Variants in GFRA1 observed in about 807,000 individuals in gnomAD.
GFRA1 encodes the protein GDNF family receptor alpha-1.
GFRA1 carries 16 observed loss-of-function variants against 51.6 expected under a neutral mutation model. The ratio of observed to expected loss-of-function variants is 0.31; its 90% CI spans 0.21 to 0.47. The LOEUF (loss-of-function observed/expected upper bound fraction) is 0.47, where lower values mean the gene tolerates loss of function less well. GFRA1 is among the 20% of genes least tolerant of loss of function. GFRA1 has a pLI of 1.00. For missense variants in GFRA1, 530 were observed against 594.3 expected, an observed-to-expected ratio of 0.89 and a Z score of 1.13; for synonymous variants, 270 against 241.3, an observed-to-expected ratio of 1.12 and a Z score of -1.10.
chr10:116,238,051 C>T (rs191366872), intron 4 of GFRA1, among the ~76,000 whole-genome samples: 3 of 152,274 alleles, frequency 2.0e-5, no homozygotes, highest in East Asian at 1.9e-4. Flanking sequence ...CTTCCAAATG[C>T]GCCGTAAAGC....
At chr10:116,120,690 G>A (rs77290303) in intron 6 of GFRA1, among the ~76,000 whole-genome samples, 3,405 of 152,322 alleles carry the variant, frequency 0.022, 114 homozygotes, top group African/African-American at 0.078. Context: ...CAAGGTGGAG[G>A]GCTGGCCCTG....
Position 116,089,738 on chromosome 10 carries a change from C to T in GFRA1, c.1197+3G>A. On this transcript the variant is annotated splice_donor_region_variant and intron_variant, in intron 9 of 10. Coordinates refer to ENST00000355422, the MANE Select transcript of GFRA1 (RefSeq NM_005264.8). ...CAGCAAGGAATCTGGACGCAGTTCT[C>T]ACCTGTAAATTTGCACACGGTGGCA... is the stretch of plus-strand genomic sequence containing the variant. 6.2e-7 allele frequency: 1 copy of T among 1,613,394 alleles called. No homozygotes were observed. The highest frequency in any genetic ancestry group is 8.5e-7 in the Non-Finnish European group (1 of 1,179,374).
intron 5 of GFRA1, among the ~76,000 whole-genome samples, chr10:116,160,589 C>T (rs1056081402): frequency 9.2e-5 from 14 of 152,212 alleles, no homozygotes; most frequent in African/African-American, 3.4e-4. Context: ...CCATAATCCA[C>T]AAGCAATAAA....
intron 4 of GFRA1, among the ~76,000 whole-genome samples, chr10:116,266,910 T>C (rs1171129033): frequency 6.6e-6 from 1 of 152,152 alleles, no homozygotes; most frequent in African/African-American, 2.4e-5. Flanking sequence ...ACTGTAACGA[T>C]TAGAGATTAT....
Position 116,089,823 on chromosome 10 carries a change from C to T in GFRA1, c.1115G>A (p.Arg372Gln), listed in dbSNP as rs779822225. Reference sequence around the variant, plus strand: ...TGGCCCCAGGGGCTTGTTCTTAACCCGGAGGGCAGTGGTGGTAGTGGCAGT... The same window carrying T: ...TGGCCCCAGGGGCTTGTTCTTAACCTGGAGGGCAGTGGTGGTAGTGGCAGT... ...TTTATTTTAL[R>Q]VKNKPLGPAG... The change falls in exon 9 of 11, where the codon CGG becomes CAG. Residue 372 changes from arginine to glutamine, a missense_variant. By Grantham distance (43) the Arg-to-Gln change is conservative. Coordinates refer to ENST00000355422, the MANE Select transcript of GFRA1 (RefSeq NM_005264.8). 9.3e-6 allele frequency: 15 copies of T among 1,614,072 alleles called. No individual in the cohort carries two copies. In the East Asian group the frequency reaches 1.8e-4, roughly 19 times the overall value.
intron 9 of GFRA1, among the ~76,000 whole-genome samples, chr10:116,068,773 T>A (rs1270948129): frequency 6.6e-6 from 1 of 152,246 alleles, no homozygotes; most frequent in Non-Finnish European, 1.5e-5. Context: ...CATCAAGCTA[T>A]CACTGTCTTG....
intron 9 of GFRA1, among the ~76,000 whole-genome samples, chr10:116,073,764 TTTA>T (rs1372717065): frequency 6.6e-6 from 1 of 152,128 alleles, no homozygotes; most frequent in African/African-American, 2.4e-5. Flanking sequence ...TCAGATAATA[TTTA>T]TTAAGCCTCT....
At chr10:116,174,368 T>C (rs942693156) in intron 5 of GFRA1, among the ~76,000 whole-genome samples, 1 of 152,222 alleles carries the variant, frequency 6.6e-6, no homozygotes, top group African/African-American at 2.4e-5. Flanking sequence ...CAACTAGTCT[T>C]TTCCCTGCAT....
intron 4 of GFRA1, among the ~76,000 whole-genome samples, chr10:116,253,753 G>A (rs1212589876): frequency 6.6e-6 from 1 of 152,182 alleles, no homozygotes; most frequent in Non-Finnish European, 1.5e-5. Context: ...TACAAAGGGT[G>A]CTTAGGCCAG....
At chr10:116,234,404 C>T (rs148997579) in intron 4 of GFRA1, among the ~76,000 whole-genome samples, 4 of 152,232 alleles carry the variant, frequency 2.6e-5, no homozygotes, top group Non-Finnish European at 5.9e-5. Context: ...GTGTTTTTCA[C>T]CTGAAACAGG....
chr10:116,240,814 C>T (rs1339443674), intron 4 of GFRA1, among the ~76,000 whole-genome samples: 1 of 152,116 alleles, frequency 6.6e-6, no homozygotes, highest in African/African-American at 2.4e-5. Flanking sequence ...AAGGAATAAA[C>T]GAATGAATAG....
intron 4 of GFRA1, among the ~76,000 whole-genome samples, chr10:116,266,209 G>A (rs1969645108): frequency 6.6e-6 from 1 of 152,140 alleles, no homozygotes; most frequent in South Asian, 2.1e-4. Flanking sequence ...CGAGGATTCA[G>A]CTCACCCTTA....
intron 5 of GFRA1, among the ~76,000 whole-genome samples, chr10:116,202,437 G>A (rs1196254870): frequency 6.6e-6 from 1 of 152,188 alleles, no homozygotes; most frequent in South Asian, 2.1e-4. Flanking sequence ...AGAAGACTGT[G>A]TGGAAATGAG....
At chr10:116,165,440 T>C (rs996281057) in intron 5 of GFRA1, among the ~76,000 whole-genome samples, 1 of 152,216 alleles carries the variant, frequency 6.6e-6, no homozygotes, top group Non-Finnish European at 1.5e-5. Flanking sequence ...ACTTACTTCC[T>C]GCTCTCTCAC....
intron 5 of GFRA1, among the ~76,000 whole-genome samples, chr10:116,140,631 T>C (rs1190262566): frequency 1.3e-5 from 2 of 152,068 alleles, no homozygotes. Flanking sequence ...ACTCTGAAAT[T>C]GGTAATTCAT....
intron 5 of GFRA1, among the ~76,000 whole-genome samples, chr10:116,174,166 TG>T (rs1422248257): frequency 2.6e-5 from 4 of 152,062 alleles, no homozygotes; most frequent in African/African-American, 9.7e-5. Context: ...AAAATTGCTT[TG>T]CCCTTTCTCT....
At chr10:116,197,278 T>C (rs900288414) in intron 5 of GFRA1, among the ~76,000 whole-genome samples, 2 of 152,076 alleles carry the variant, frequency 1.3e-5, no homozygotes, top group Non-Finnish European at 2.9e-5. Flanking sequence ...GAGACCTGCT[T>C]TACTCCTTCC....
At chr10:116,133,533 C>A (rs1017780352) in intron 5 of GFRA1, among the ~76,000 whole-genome samples, 7 of 152,206 alleles carry the variant, frequency 4.6e-5, no homozygotes, top group African/African-American at 1.4e-4. Context: ...CAGCTTTCCC[C>A]CCATGGGCAT....
Position 116,079,945 on chromosome 10 carries a change from A to G in GFRA1, c.1197+9796T>C, listed in dbSNP as rs146893221. Among the ~76,000 whole-genome samples, 356 of 152,204 alleles carry G rather than the reference A, an allele frequency of 2.3e-3. 1 individual carries two copies. The highest frequency in any genetic ancestry group is 7.6e-3 in the African/African-American group (316 of 41,516). Reference sequence around the variant, plus strand: ...AGACCTCATCCTTTGTCTTATCCATAACAAGTTCCACTCCACACACTGGAG... The same window carrying G: ...AGACCTCATCCTTTGTCTTATCCATGACAAGTTCCACTCCACACACTGGAG... On this transcript the variant is annotated intron_variant, in intron 9 of 10. Coordinates refer to ENST00000355422, the MANE Select transcript of GFRA1 (RefSeq NM_005264.8).
Sources: gnomAD v4.1 joint callset for allele counts (sites outside exome capture counted in the v4.1 genomes callset) on GRCh38, gnomAD v4.1.1 for gene constraint, MANE v1.5 for transcripts, NCBI Gene and HGNC (gene_info 2026-07-23, HGNC 2026-07-21) for gene names.